ABCA13: variants seen among roughly 807,000 people sequenced by gnomAD.
ABCA13 encodes the protein ATP-binding cassette sub-family A member 13.
In ABCA13, 476 loss-of-function variants were observed where a neutral mutation model predicts 478.7. The ratio of observed to expected loss-of-function variants is 0.99; its 90% CI spans 0.92 to 1.07. ABCA13 has a LOEUF of 1.07. Among genes scored for constraint, ABCA13 ranks in the 50% least tolerant of loss-of-function variants. ABCA13 has a pLI of 0.00. For missense variants in ABCA13, 6,060 were observed against 5,910.6 expected (o/e 1.03, Z -0.83); for synonymous variants, 2,252 against 2,158.9 (o/e 1.04, Z -1.20).
chr7:48,506,515 G>C (rs1831223275), intron 49 of ABCA13, 125 bp downstream of exon 49: 1 of 1,055,784 alleles, frequency 9.5e-7, no homozygotes. Context: ...GAGTTAGCAG[G>C]AAATGCCCAC....
At chr7:48,498,647 T>G (rs1222686192) in intron 48 of ABCA13, among the ~76,000 whole-genome samples, 3 of 152,142 alleles carry the variant, frequency 2.0e-5, no homozygotes, top group Admixed American at 6.6e-5. Flanking sequence ...AAGAAAAGGC[T>G]ATACTCCCCA....
intron 15 of ABCA13, among the ~76,000 whole-genome samples, chr7:48,261,861 A>C (rs990590868): frequency 6.6e-6 from 1 of 151,958 alleles, no homozygotes; most frequent in East Asian, 1.9e-4. Context: ...ATGAGGCACT[A>C]GAATGGTGAT....
chr7:48,369,904 G>C (rs1442085954), intron 32 of ABCA13, among the ~76,000 whole-genome samples: 2 of 151,514 alleles, frequency 1.3e-5, no homozygotes, highest in African/African-American at 2.4e-5. Flanking sequence ...TGAATTTTAG[G>C]ATTTTTTTTT....
chr7:48,483,180 A>AT lies in ABCA13; in HGVS notation c.13182+24dup, dbSNP rs750014550. On this transcript the variant is annotated intron_variant, in intron 47 of 61. Transcript: ENST00000435803. ...CTGGCAAAGGTAATCATATTTTTTT[A>AT]TTTTTTTCCTGTTTTAGAAAGTATT... 1.2e-5 allele frequency: 19 copies of AT among 1,592,336 alleles called. No homozygotes were observed. The highest frequency in any genetic ancestry group is 1.6e-5 in the Non-Finnish European group (19 of 1,167,960).
Position 48,293,194 on chromosome 7 carries a change from C to G in ABCA13, c.8956-2506C>G, listed in dbSNP as rs527898105. Among the ~76,000 whole-genome samples, 21 of 128,326 alleles carry G rather than the reference C, an allele frequency of 1.6e-4. 1 individual carries two copies. Among genetic ancestry groups the G allele is most frequent in the South Asian group, 3.3e-4 (1 of 3,016 alleles). 84.2% of individuals were successfully genotyped at this position (128,326 alleles called of 152,430 possible). On this transcript the variant is annotated intron_variant, in intron 20 of 61. Transcript: ENST00000435803. The stretch of plus-strand genomic sequence containing the variant: ...CATCATTTCCTGAGAAGTCTTCAGC[C>G]CCCCCCCCGCCACACACACACTAAA...
chr7:48,537,868 G>A (rs1362571349), intron 55 of ABCA13, among the ~76,000 whole-genome samples: 2 of 152,060 alleles, frequency 1.3e-5, no homozygotes, highest in South Asian at 4.1e-4. Context: ...ATTACAACTG[G>A]TGGGGAGGTT....
intron 10 of ABCA13, 64 bp from the exon 11 acceptor site, chr7:48,244,512 A>G: frequency 6.5e-7 from 1 of 1,540,340 alleles, no homozygotes; most frequent in South Asian, 1.2e-5. Context: ...CGGAATTTTT[A>G]TTTCCCTAAT....
chr7:48,181,646 A>G (rs1205729462), intron 1 of ABCA13, among the ~76,000 whole-genome samples: 1 of 151,682 alleles, frequency 6.6e-6, no homozygotes, highest in Non-Finnish European at 1.5e-5. Flanking sequence ...TCATTTTGTC[A>G]TATCTTTTGA....
intron 21 of ABCA13, 74 bp downstream of exon 21, chr7:48,295,937 T>C: frequency 6.7e-7 from 1 of 1,486,676 alleles, no homozygotes; most frequent in East Asian, 2.3e-5. Context: ...CTCTTTAAAA[T>C]GTGAATTTCA....
At chr7:48,622,850 A>C (rs1031689315) in intron 59 of ABCA13, among the ~76,000 whole-genome samples, 2 of 152,198 alleles carry the variant, frequency 1.3e-5, no homozygotes, top group African/African-American at 4.8e-5. Flanking sequence ...GGCATAAAAA[A>C]GTAGTCATAG....
intron 20 of ABCA13, among the ~76,000 whole-genome samples, chr7:48,291,000 T>TC (rs1460360903): frequency 7.1e-6 from 1 of 140,830 alleles, no homozygotes; most frequent in Admixed American, 7.1e-5. Context: ...AGTGTGAAAG[T>TC]CCAAGGGCTT....
In ABCA13 at chr7:48,580,347, C is replaced by T. The variant is rs375778185; in HGVS notation, c.14478C>T (p.Arg4826=). Residue 4826 remains arginine, a synonymous_variant, in exon 56 of 62, where the codon CGC becomes CGT. Coordinates refer to ENST00000435803, the MANE Select transcript of ABCA13 (RefSeq NM_152701.5). ...ATCTCTATTATTACTGTAGCTTACG[C>T]GGGATTCCAAGGCAGTGCATCCCTG... ...WEHLYYYCSL[R]GIPRQCIPEV... is the part of the protein sequence containing the mutation. The T allele has an allele frequency of 2.4e-5, 38 of 1,612,490 alleles. No homozygotes were observed. Among genetic ancestry groups the T allele is most frequent in the South Asian group, 8.8e-5 (8 of 90,782 alleles).
chr7:48,608,341 C>T (rs1267630447), intron 58 of ABCA13, among the ~76,000 whole-genome samples: 1 of 152,226 alleles, frequency 6.6e-6, no homozygotes, highest in African/African-American at 2.4e-5. Context: ...ATTAGAAGTT[C>T]AGGCTATTTT....
At chr7:48,587,056 G>T (rs1585892674) in intron 56 of ABCA13, 98 bp from the exon 57 acceptor site, 5 of 1,521,274 alleles carry the variant, frequency 3.3e-6, no homozygotes, top group East Asian at 4.7e-5. Flanking sequence ...GGTCGGCAGG[G>T]TTAGTGGGAG....
chr7:48,493,523 A>G (rs1305378256), intron 48 of ABCA13, among the ~76,000 whole-genome samples: 1 of 152,208 alleles, frequency 6.6e-6, no homozygotes, highest in African/African-American at 2.4e-5. Context: ...TAAAAATGAA[A>G]AGGGATAAAG....
At chr7:48,620,212 G>T (rs1793003180) in intron 59 of ABCA13, among the ~76,000 whole-genome samples, 1 of 141,928 alleles carries the variant, frequency 7.0e-6, no homozygotes, top group Non-Finnish European at 1.5e-5. Context: ...TTGGTTAAAA[G>T]GGGATTTAAT....
chr7:48,175,447 T>G (rs1169370474), intron 1 of ABCA13, among the ~76,000 whole-genome samples: 1 of 152,086 alleles, frequency 6.6e-6, no homozygotes, highest in Non-Finnish European at 1.5e-5. Context: ...TCATATGGAG[T>G]TTTGCTCATG....
chr7:48,314,335 T>G lies in ABCA13; in HGVS notation c.9785T>G (p.Met3262Arg). The G allele has an allele frequency of 6.2e-7, 1 of 1,612,802 alleles. No individual in the cohort carries two copies. The highest frequency in any genetic ancestry group is 8.5e-7 in the Non-Finnish European group (1 of 1,179,252). ...GCATCATTCCTTAGCGATTCTAATA[T>G]GTTTATTAATTTGCCCAGAGTTAAG... ...DQASFLSDSN[M>R]FINLPRVKEL... is the part of the protein sequence containing the mutation. Residue 3262 changes from methionine (M) to arginine (R), a missense_variant, in exon 26 of 62, where the codon ATG becomes AGG. Coordinates refer to ENST00000435803, the MANE Select transcript of ABCA13 (RefSeq NM_152701.5).
At chr7:48,642,885 T>C (rs1795196742) in intron 59 of ABCA13, among the ~76,000 whole-genome samples, 1 of 152,186 alleles carries the variant, frequency 6.6e-6, no homozygotes, top group Non-Finnish European at 1.5e-5. Context: ...CCCTTTCATC[T>C]TTTCCCAGCC....
Sources: allele counts gnomAD v4.1 joint callset (sites outside exome capture counted in the v4.1 genomes callset), GRCh38; gene constraint gnomAD v4.1.1; transcripts MANE v1.5; gene names NCBI Gene and HGNC (gene_info 2026-07-23, HGNC 2026-07-21).